MAGEB16: variants seen among roughly 807,000 people sequenced by gnomAD.
MAGEB16 encodes the protein MAGE family member B16, also known as melanoma-associated antigen B16.
For missense variants in MAGEB16, 217 were observed against 234.0 expected (o/e 0.93, Z 0.47); for synonymous variants, 95 against 92.1 (o/e 1.03, Z -0.18).
intron 1 of MAGEB16, chrX:35,801,293 G>A (rs982318804): frequency 4.5e-5 from 5 of 111,996 alleles, no homozygotes; most frequent in African/African-American, 1.3e-4. Context: ...TTGCAGATAG[G>A]TAGTGTCCTT....
chrX:35,803,295 T>C (rs1791535595), exon 2 of MAGEB16: 1 of 761,800 alleles, frequency 1.3e-6, no homozygotes, highest in African/African-American at 2.1e-5. Flanking sequence ...CAGTTAGTGT[T>C]CAAGGATGCA....
At chrX:35,800,987 C>T (rs1934857661) in intron 1 of MAGEB16, among the ~76,000 whole-genome samples, 1 of 111,108 alleles carries the variant, frequency 9.0e-6, no homozygotes, top group Non-Finnish European at 1.9e-5. Flanking sequence ...CAATAGGAAT[C>T]CACTCCAGGA....
At chrX:35,800,394 A>G (rs1419205059) in intron 1 of MAGEB16, 2 of 467,788 alleles carry the variant, frequency 4.3e-6, no homozygotes, top group Non-Finnish European at 7.7e-6. Context: ...TCAAGTCAAT[A>G]TAGGGGTAGG....
At chrX:35,803,154 G>T (rs1261135415) in exon 2 of MAGEB16, 1 of 1,176,848 alleles carries the variant, frequency 8.5e-7, no homozygotes, top group East Asian at 3.0e-5. Context: ...AGAAGAGAGA[G>T]CTAGAGCCAG....
chrX:35,802,533 C>T (rs1038771930), exon 2 of MAGEB16: 12 of 1,209,967 alleles, frequency 9.9e-6, no homozygotes, highest in Non-Finnish European at 1.3e-5. Context: ...CGCAGATGCT[C>T]TCGACCAGAA....
At chrX:35,799,478 G>T (rs1009119226) in intron 1 of MAGEB16, among the ~76,000 whole-genome samples, 2 of 111,731 alleles carry the variant, frequency 1.8e-5, no homozygotes, top group Non-Finnish European at 3.8e-5. Flanking sequence ...CACCCTAGGG[G>T]TGTCAAACTG....
chrX:35,803,411 C>G (rs1934885276), exon 2 of MAGEB16: 1 of 303,095 alleles, frequency 3.3e-6, no homozygotes, highest in African/African-American at 2.7e-5. Context: ...CTATATTATT[C>G]AGATGATGTT....
intron 1 of MAGEB16, among the ~76,000 whole-genome samples, chrX:35,801,130 A>G (rs1337625065): frequency 8.9e-6 from 1 of 111,752 alleles, no homozygotes; most frequent in Non-Finnish European, 1.9e-5. Context: ...CCTACATCAT[A>G]TCAGATCAGT....
intron 1 of MAGEB16, chrX:35,798,792 G>A (rs963995680): frequency 5.4e-5 from 6 of 111,441 alleles, no homozygotes; most frequent in African/African-American, 2.0e-4. Flanking sequence ...TGAAGCTTTA[G>A]TCTGATATAG....
exon 2 of MAGEB16, chrX:35,803,498 A>G (rs1934885786): frequency 5.3e-6 from 1 of 190,292 alleles, no homozygotes; most frequent in Non-Finnish European, 1.0e-5. Flanking sequence ...AATGTTTTTC[A>G]TGAGGTTTAG....
chrX:35,802,369 CAG>C lies in MAGEB16; in HGVS notation c.178_179del (p.Pro61SerfsTer2), dbSNP rs1279446683. 1.5e-5 allele frequency: 18 copies of C among 1,206,703 alleles called. No homozygotes were observed. The highest frequency in any genetic ancestry group is 1.9e-5 in the Non-Finnish European group (17 of 893,645). On this transcript the variant is annotated frameshift_variant, in exon 2 of 2. Coordinates refer to ENST00000399988, the Ensembl canonical transcript of MAGEB16. LOFTEE classifies it low-confidence loss of function (END_TRUNC). ...CTGAAGGAAGCTCCTGCTGCTAAGG[CAG>C]AGAGTCCTCTTGAGGTTCCTCAGAG... is the stretch of plus-strand genomic sequence containing the variant.
intron 1 of MAGEB16, among the ~76,000 whole-genome samples, chrX:35,801,024 CTT>C (rs772787521): frequency 1.2e-4 from 13 of 111,547 alleles, no homozygotes; most frequent in Admixed American, 3.8e-4. Flanking sequence ...GCCCTGATAA[CTT>C]TTTCAGCCAG....
intron 1 of MAGEB16, among the ~76,000 whole-genome samples, chrX:35,799,266 G>T (rs978834032): frequency 1.8e-5 from 2 of 110,668 alleles, no homozygotes; most frequent in African/African-American, 6.6e-5. Flanking sequence ...TTGGGTGTCC[G>T]TTCGTGAGGC....
chrX:35,802,541 GA>G lies in MAGEB16; in HGVS notation c.348del (p.Val117TrpfsTer5). The G allele has an allele frequency of 8.3e-7, 1 of 1,211,837 alleles. No homozygotes were observed. The highest frequency in any genetic ancestry group is 3.0e-5 in the East Asian group (1 of 33,835). On this transcript the variant is annotated frameshift_variant, in exon 2 of 2. Coordinates refer to ENST00000399988, the Ensembl canonical transcript of MAGEB16. LOFTEE classifies it low-confidence loss of function (END_TRUNC). ...ATGTGCCCGCAGATGCTCTCGACCAGAAAGTGGCTTTTTTGGTGAATTTCAT... is the reference window on the plus strand; with the variant it reads ...ATGTGCCCGCAGATGCTCTCGACCAGAAGTGGCTTTTTTGGTGAATTTCAT...
At chrX:35,800,577 C>T (rs1934853654) in intron 1 of MAGEB16, 5 of 523,016 alleles carry the variant, frequency 9.6e-6, no homozygotes, top group Non-Finnish European at 1.7e-5. Flanking sequence ...AAGTAAGGAC[C>T]CTGAGTGAGG....
exon 2 of MAGEB16, chrX:35,803,083 A>G (rs912017328): frequency 8.3e-7 from 1 of 1,211,537 alleles, no homozygotes; most frequent in African/African-American, 1.7e-5. Context: ...TTTGTGGCCA[A>G]AGTTCATGGG....
chrX:35,801,629 G>A (rs1339568856), intron 1 of MAGEB16, among the ~76,000 whole-genome samples: 1 of 112,339 alleles, frequency 8.9e-6, no homozygotes, highest in East Asian at 2.8e-4. Flanking sequence ...TTCAAAGTAA[G>A]GCACCTGAGT....
At chrX:35,799,390 A>C (rs181226429) in intron 1 of MAGEB16, among the ~76,000 whole-genome samples, 10 of 111,007 alleles carry the variant, frequency 9.0e-5, no homozygotes, top group African/African-American at 3.0e-4. Flanking sequence ...CAATATGGGG[A>C]CCCCGTGTGA....
Position 35,800,059 on chromosome X carries a change from C to G in MAGEB16, c.-67+1641C>G, listed in dbSNP as rs957701937. On this transcript the variant is annotated intron_variant, in intron 1 of 1. Transcript: ENST00000399988. ...ACATAGGTGGCCCCACAGTCTCCAC[C>G]CATGGTGTCAGTCATAGGAGGCTGG... 6.3e-5 allele frequency among the ~76,000 whole-genome samples: 7 copies of G among 111,130 alleles called. No individual in the cohort carries two copies. The Admixed American group carries it at 6.7e-4, about 11-fold the overall frequency.
Sources: allele counts gnomAD v4.1 joint callset (sites outside exome capture counted in the v4.1 genomes callset), GRCh38; gene constraint gnomAD v4.1.1; transcripts MANE v1.5; gene names NCBI Gene and HGNC (gene_info 2026-07-23, HGNC 2026-07-21).